The following PIRT variants were observed in gnomAD, a reference collection of about 807,000 sequenced individuals.
PIRT encodes phosphoinositide interacting regulator of transient receptor potential channels, also known as phosphoinositide-interacting protein.
PIRT carries 6 observed loss-of-function variants against 7.9 expected under a neutral mutation model. That is an observed-to-expected ratio of 0.76 (90% CI 0.42 to 1.51). PIRT has a LOEUF of 1.51. Among genes scored for constraint, PIRT ranks in the 40% most tolerant of loss-of-function variants. The pLI, the probability that PIRT is intolerant of heterozygous loss-of-function variation, is 0.01. For missense variants in PIRT, 170 were observed against 172.9 expected (o/e 0.98, Z 0.09); for synonymous variants, 78 against 71.8 (o/e 1.09, Z -0.44).
intron 1 of PIRT, among the ~76,000 whole-genome samples, chr17:10,829,280 A>G (rs1163066719): frequency 6.6e-6 from 1 of 152,136 alleles, no homozygotes; most frequent in East Asian, 1.9e-4. Flanking sequence ...GTGGTGCCAG[A>G]GAAGATAGCT....
At position 10,825,755 on chromosome 17, in the gene PIRT, C is replaced by G. The variant is rs1008672375; in HGVS notation, c.-110G>C. ...CTCAGCATCCATCTCTAGCCCCGCT[C>G]TCAGTGGAGGGTGAACAAGGTTTTT... On this transcript the variant is annotated 5_prime_UTR_variant, in exon 2 of 2. Coordinates refer to ENST00000580256, the MANE Select transcript of PIRT (RefSeq NM_001101387.2). 9.1e-6 allele frequency: 10 copies of G among 1,102,018 alleles called. No homozygotes were observed. The African/African-American group carries it at 1.4e-4, about 16-fold the overall frequency. The allele number at this position is 1,102,018 out of a possible 1,614,324, so 68.3% of individuals were successfully genotyped here.
intron 1 of PIRT, among the ~76,000 whole-genome samples, chr17:10,830,582 G>A (rs1424095628): frequency 6.6e-6 from 1 of 152,158 alleles, no homozygotes; most frequent in Non-Finnish European, 1.5e-5. Context: ...AATGGCCTTG[G>A]TTGCCATTGC....
chr17:10,825,833 C>A (rs1905301368), intron 1 of PIRT, 50 bp from the exon 2 acceptor site: 2 of 477,542 alleles, frequency 4.2e-6, no homozygotes, highest in Non-Finnish European at 7.0e-6. Flanking sequence ...TAAGAAACCA[C>A]CCAAGCTGGT....
Position 10,825,277 on chromosome 17 carries a change from C to T in PIRT, c.369G>A (p.Lys123=). Residue 123 remains lysine (K), a synonymous_variant, in exon 2 of 2, where the codon AAG becomes AAA. Transcript: ENST00000580256. ...IIKKKQKHRQ[K]SNFLRSLKSF... is the part of the protein sequence containing the mutation. ...ACTTGAGGCTGCGTAAGAAATTCGA[C>T]TTCTGTCTGTGCTTCTGTTTCTTTT... 6.2e-7 allele frequency: 1 copy of T among 1,613,968 alleles called. No individual in the cohort carries two copies. The highest frequency in any genetic ancestry group is 8.5e-7 in the Non-Finnish European group (1 of 1,179,886).
chr17:10,829,209 T>C (rs756052530), intron 1 of PIRT, among the ~76,000 whole-genome samples: 1 of 152,144 alleles, frequency 6.6e-6, no homozygotes, highest in Non-Finnish European at 1.5e-5. Flanking sequence ...TGGGGCGATA[T>C]GATGGCTGTT....
Position 10,825,480 on chromosome 17 carries a change from T to C in PIRT, c.166A>G (p.Ile56Val). ...GCACCGCCCACTGACATGATAACGA[T>C]GGGCTTGCGGTAGATTTCCCAGTTA... ...RSNWEIYRKP[I>V]VIMSVGGAIL... Residue 56 changes from isoleucine to valine, a missense_variant, in exon 2 of 2, where the codon ATC becomes GTC. Physicochemically the swap from Ile to Val is conservative, Grantham distance 29 (BLOSUM62 3). Transcript: ENST00000580256. 1.2e-6 allele frequency: 2 copies of C among 1,613,862 alleles called. No homozygotes were observed. Among genetic ancestry groups the C allele is most frequent in the Non-Finnish European group, 1.7e-6 (2 of 1,179,848 alleles).
In PIRT at chr17:10,825,747, G is replaced by A; in HGVS notation, c.-102C>T. 1 of 1,180,574 alleles carries A rather than the reference G, an allele frequency of 8.5e-7. No homozygotes were observed. Among genetic ancestry groups the A allele is most frequent in the Non-Finnish European group, 1.1e-6 (1 of 905,532 alleles). The allele number at this position is 1,180,574 out of a possible 1,614,324, so 73.1% of individuals were successfully genotyped here. On this transcript the variant is annotated 5_prime_UTR_variant, in exon 2 of 2. Coordinates refer to ENST00000580256, the MANE Select transcript of PIRT (RefSeq NM_001101387.2). Reference sequence around the variant, plus strand: ...TTCCTGTACTCAGCATCCATCTCTAGCCCCGCTCTCAGTGGAGGGTGAACA... The same window carrying A: ...TTCCTGTACTCAGCATCCATCTCTAACCCCGCTCTCAGTGGAGGGTGAACA...
chr17:10,835,185 A>G (rs1160593607), intron 1 of PIRT, among the ~76,000 whole-genome samples: 1 of 152,072 alleles, frequency 6.6e-6, no homozygotes, highest in Non-Finnish European at 1.5e-5. Flanking sequence ...AAAATCTCCA[A>G]TGTACCTCAG....
chr17:10,837,186 G>C (rs1032983210), intron 1 of PIRT, among the ~76,000 whole-genome samples: 1 of 152,232 alleles, frequency 6.6e-6, no homozygotes, highest in African/African-American at 2.4e-5. Flanking sequence ...CACCTCCCTT[G>C]TTGGGCCACC....
At position 10,825,609 on chromosome 17, in the gene PIRT, C is replaced by A. The variant is rs774699130; in HGVS notation, c.37G>T (p.Asp13Tyr). 2 of 1,536,908 alleles carry A rather than the reference C, an allele frequency of 1.3e-6. No homozygotes were observed. Among genetic ancestry groups the A allele is most frequent in the Middle Eastern group, 1.7e-4 (1 of 5,820 alleles). ...TCCTTGGCTTCTGGAGACTTCTCAT[C>A]GACCTCTAGAACCTTGGGGAGAGTC... ...METLPKVLEV[D>Y]EKSPEAKDLL... Residue 13 changes from aspartate (D) to tyrosine (Y), a missense_variant, in exon 2 of 2, where the codon GAT (aspartate) becomes TAT (tyrosine). Coordinates refer to ENST00000580256, the MANE Select transcript of PIRT (RefSeq NM_001101387.2).
intron 1 of PIRT, among the ~76,000 whole-genome samples, chr17:10,828,012 T>C (rs1332985286): frequency 6.6e-6 from 1 of 152,212 alleles, no homozygotes. Context: ...ATTTTACACA[T>C]CTTTAATTGA....
chr17:10,825,495 T>C lies in PIRT; in HGVS notation c.151A>G (p.Ile51Val). The change falls in exon 2 of 2, where the codon ATC (isoleucine) becomes GTC (valine). Residue 51 changes from isoleucine to valine, a missense_variant. Transcript: ENST00000580256. The part of the protein sequence containing the change: ...WTTTPRSNWE[I>V]YRKPIVIMSV... ...ATGATAACGATGGGCTTGCGGTAGA[T>C]TTCCCAGTTACTCCTGGGGGTGGTG... is the stretch of plus-strand genomic sequence containing the variant. 1 of 1,613,868 alleles carries C rather than the reference T, an allele frequency of 6.2e-7. No individual in the cohort carries two copies. The highest frequency in any genetic ancestry group is 8.5e-7 in the Non-Finnish European group (1 of 1,179,850).
chr17:10,835,445 TGAG>T (rs1416109976), intron 1 of PIRT, among the ~76,000 whole-genome samples: 1 of 152,174 alleles, frequency 6.6e-6, no homozygotes, highest in Admixed American at 6.5e-5. Context: ...GACTCACAGA[TGAG>T]GAGAGCATCT....
intron 1 of PIRT, among the ~76,000 whole-genome samples, chr17:10,827,465 C>CTT (rs546105685): frequency 0.11 from 5,996 of 56,260 alleles, 818 homozygotes; most frequent in Middle Eastern, 0.16. Context: ...TTTTTCTTTT[C>CTT]TTTTTTTTTT....
intron 1 of PIRT, among the ~76,000 whole-genome samples, chr17:10,825,994 C>T (rs1905305205): frequency 6.6e-6 from 1 of 151,692 alleles, no homozygotes; most frequent in Non-Finnish European, 1.5e-5. Flanking sequence ...ATGGAGTCTC[C>T]CTTTGTCACC....
At chr17:10,836,784 G>A (rs891145644) in intron 1 of PIRT, among the ~76,000 whole-genome samples, 1 of 152,174 alleles carries the variant, frequency 6.6e-6, no homozygotes, top group Non-Finnish European at 1.5e-5. Context: ...GTCTGGGGGA[G>A]AAGCGGGGAA....
At chr17:10,829,308 G>A (rs1335193237) in intron 1 of PIRT, among the ~76,000 whole-genome samples, 1 of 152,182 alleles carries the variant, frequency 6.6e-6, no homozygotes. Context: ...GGCAGGGGAA[G>A]GGCTTGCTCC....
At chr17:10,831,371 A>G (rs1905458841) in intron 1 of PIRT, among the ~76,000 whole-genome samples, 1 of 152,166 alleles carries the variant, frequency 6.6e-6, no homozygotes, top group Non-Finnish European at 1.5e-5. Flanking sequence ...TGCAGATACA[A>G]TCAAGATAAG....
intron 1 of PIRT, among the ~76,000 whole-genome samples, chr17:10,829,094 C>A (rs1905403730): frequency 6.6e-6 from 1 of 152,170 alleles, no homozygotes; most frequent in Non-Finnish European, 1.5e-5. Context: ...TGTTAGGAGA[C>A]CTTGTGCTGC....
Sources: allele counts gnomAD v4.1 joint callset (sites outside exome capture counted in the v4.1 genomes callset), GRCh38; gene constraint gnomAD v4.1.1; transcripts MANE v1.5; gene names NCBI Gene and HGNC (gene_info 2026-07-23, HGNC 2026-07-21).